Variants in RASSF3 observed in about 807,000 individuals in gnomAD.
The protein encoded by RASSF3 is Ras association domain family member 3.
In RASSF3, 19 loss-of-function variants were observed where a neutral mutation model predicts 19.9. The ratio of observed to expected loss-of-function variants is 0.96; its 90% CI spans 0.67 to 1.40. RASSF3 has a LOEUF of 1.40. Among genes scored for constraint, RASSF3 ranks in the 40% most tolerant of loss-of-function variants. The probability of loss-of-function intolerance (pLI) is 0.00; values close to 1 mark genes in which losing one functional copy is unlikely to be tolerated. For synonymous variants in RASSF3, 110 were observed against 104.2 expected (o/e 1.06, Z -0.34); for missense variants, 306 against 289.8 (o/e 1.06, Z -0.41).
At chr12:64,586,283 C>T (rs1380310597) in intron 2 of RASSF3, among the ~76,000 whole-genome samples, 1 of 150,656 alleles carries the variant, frequency 6.6e-6, no homozygotes, top group Non-Finnish European at 1.5e-5. Context: ...GAGATTGCAC[C>T]TCTGCACTCC....
chr12:64,691,386 G>A, intron 3 of RASSF3, 84 bp from the exon 4 acceptor site: 1 of 901,820 alleles, frequency 1.1e-6, no homozygotes, highest in Non-Finnish European at 1.8e-6. Flanking sequence ...TGGTTACCTT[G>A]ATCTGGAGGA....
intron 1 of RASSF3, among the ~76,000 whole-genome samples, chr12:64,611,042 G>C (rs1315466759): frequency 6.6e-6 from 1 of 152,202 alleles, no homozygotes; most frequent in Non-Finnish European, 1.5e-5. Flanking sequence ...AGCAGCCCCG[G>C]AGCCAGCAGG....
In RASSF3 at chr12:64,673,169, C is replaced by T. The variant is rs568382468; in HGVS notation, c.112-11618C>T. 5.9e-5 allele frequency among the ~76,000 whole-genome samples: 9 copies of T among 152,150 alleles called. 1 individual carries two copies. In the South Asian group the frequency reaches 1.9e-3, roughly 32 times the overall value. On this transcript the variant is annotated intron_variant, in intron 1 of 4. Transcript: ENST00000542104. ...TTAATAAAAACTGGTTTTTTAAACC[C>T]AGCCAACCTGAATGAGTGGACTATG...
At chr12:64,618,724 A>G (rs186524116) in intron 1 of RASSF3, among the ~76,000 whole-genome samples, 6 of 152,318 alleles carry the variant, frequency 3.9e-5, no homozygotes, top group Non-Finnish European at 8.8e-5. Flanking sequence ...TTTGAAATAT[A>G]TGTAAAAACT....
chr12:64,571,462 G>A (rs1869518399), intron 2 of RASSF3, among the ~76,000 whole-genome samples: 1 of 152,144 alleles, frequency 6.6e-6, no homozygotes, highest in African/African-American at 2.4e-5. Context: ...GTTATGACCT[G>A]GCAGCAAAGG....
In RASSF3 at chr12:64,642,499, G is replaced by A. The variant is rs868578726; in HGVS notation, c.111+31756G>A. Reference sequence around the variant, plus strand: ...CGCTTGAATCCTGGAAGCAGAGGTTGCAGTAAGCCAAGATCATGCCACTGC... The same window carrying A: ...CGCTTGAATCCTGGAAGCAGAGGTTACAGTAAGCCAAGATCATGCCACTGC... On this transcript the variant is annotated intron_variant, in intron 1 of 4. Transcript: ENST00000542104. 2.0e-4 allele frequency among the ~76,000 whole-genome samples: 27 copies of A among 136,048 alleles called. No individual in the cohort carries two copies. In the South Asian group the frequency reaches 6.0e-3, roughly 30 times the overall value. 89.3% of individuals were successfully genotyped at this position (136,048 alleles called of 152,430 possible). A position where few individuals can be genotyped will look rare whatever the true frequency, so the allele number is the denominator to read the frequency against.
chr12:64,557,998 C>T (rs1270478921), intron 2 of RASSF3, among the ~76,000 whole-genome samples: 1 of 152,140 alleles, frequency 6.6e-6, no homozygotes, highest in Non-Finnish European at 1.5e-5. Context: ...GGGCAGAAAA[C>T]CAAACACATA....
intron 1 of RASSF3, among the ~76,000 whole-genome samples, chr12:64,638,842 G>T (rs976309747): frequency 6.6e-6 from 1 of 152,108 alleles, no homozygotes; most frequent in Non-Finnish European, 1.5e-5. Flanking sequence ...TTTTGTTCTA[G>T]TTCCTTCTTC....
At chr12:64,512,293 A>G (rs569570510) in intron 1 of RASSF3, among the ~76,000 whole-genome samples, 9 of 152,288 alleles carry the variant, frequency 5.9e-5, no homozygotes, top group African/African-American at 1.9e-4. Flanking sequence ...ACATCACAAA[A>G]TCTGTTCTAT....
At chr12:64,589,394 G>C (rs1869876334) in intron 2 of RASSF3, among the ~76,000 whole-genome samples, 1 of 152,166 alleles carries the variant, frequency 6.6e-6, no homozygotes, top group Non-Finnish European at 1.5e-5. Flanking sequence ...AGGCTGCAGT[G>C]AGCCAAGATT....
At chr12:64,521,751 C>T (rs2136104401) in intron 1 of RASSF3, among the ~76,000 whole-genome samples, 1 of 152,306 alleles carries the variant, frequency 6.6e-6, no homozygotes, top group South Asian at 2.1e-4. Flanking sequence ...TGTATTATTA[C>T]TCCCCACCCC....
At chr12:64,649,199 T>C (rs552981282) in intron 1 of RASSF3, among the ~76,000 whole-genome samples, 27 of 151,158 alleles carry the variant, frequency 1.8e-4, no homozygotes, top group Non-Finnish European at 3.2e-4. Context: ...GGGTTTTTTT[T>C]TTTCTTTTTT....
At chr12:64,682,822 T>A (rs1208104285) in intron 1 of RASSF3, among the ~76,000 whole-genome samples, 1 of 152,158 alleles carries the variant, frequency 6.6e-6, no homozygotes, top group Non-Finnish European at 1.5e-5. Flanking sequence ...GAAAGAGGCG[T>A]GTTTACAAAG....
intron 1 of RASSF3, among the ~76,000 whole-genome samples, chr12:64,640,990 T>G (rs1372530071): frequency 6.6e-6 from 1 of 152,152 alleles, no homozygotes; most frequent in Non-Finnish European, 1.5e-5. Flanking sequence ...GAAATAATAT[T>G]CTAATGTATA....
intron 1 of RASSF3, among the ~76,000 whole-genome samples, chr12:64,673,225 T>C (rs150893123): frequency 6.6e-6 from 1 of 152,354 alleles, no homozygotes; most frequent in Non-Finnish European, 1.5e-5. Context: ...GAAGGAGATG[T>C]ATGGCTGCTG....
intron 1 of RASSF3, among the ~76,000 whole-genome samples, chr12:64,655,516 G>A (rs1232157189): frequency 6.6e-6 from 1 of 151,788 alleles, no homozygotes; most frequent in Non-Finnish European, 1.5e-5. Flanking sequence ...GTCTCAGTAT[G>A]TTGCCCAGGC....
At chr12:64,687,055 C>G (rs564085024) in intron 2 of RASSF3, among the ~76,000 whole-genome samples, 1 of 150,998 alleles carries the variant, frequency 6.6e-6, no homozygotes, top group Non-Finnish European at 1.5e-5. Context: ...GGCGTAATCT[C>G]GTAATCTCGG....
intron 1 of RASSF3, among the ~76,000 whole-genome samples, chr12:64,527,953 T>C (rs1868623976): frequency 6.6e-6 from 1 of 150,968 alleles, no homozygotes; most frequent in Admixed American, 6.6e-5. Flanking sequence ...AATAAATAAA[T>C]TTAAATTTTA....
intron 2 of RASSF3, among the ~76,000 whole-genome samples, chr12:64,587,746 G>T (rs1375296545): frequency 2.0e-5 from 3 of 152,114 alleles, no homozygotes; most frequent in African/African-American, 7.2e-5. Flanking sequence ...GCAAGGTCCT[G>T]GTTGTTTTTT....
Sources: gnomAD v4.1 joint callset for allele counts (sites outside exome capture counted in the v4.1 genomes callset) on GRCh38, gnomAD v4.1.1 for gene constraint, MANE v1.5 for transcripts, NCBI Gene and HGNC (gene_info 2026-07-23, HGNC 2026-07-21) for gene names.